PAM: variants seen among roughly 807,000 people sequenced by gnomAD.
The protein encoded by PAM is peptidylglycine alpha-amidating monooxygenase.
Under a neutral mutation model 122.1 loss-of-function variants are expected in PAM, and 72 were observed. The observed-to-expected ratio is 0.59, with a 90% CI of 0.49 to 0.72. The LOEUF (loss-of-function observed/expected upper bound fraction) is 0.72, where lower values mean the gene tolerates loss of function less well. Ranked by LOEUF, PAM falls within the 30% of genes least tolerant of loss-of-function variation. The probability of loss-of-function intolerance (pLI) is 0.00; values close to 1 mark genes in which losing one functional copy is unlikely to be tolerated. For synonymous variants in PAM, 389 were observed against 404.4 expected (o/e 0.96, Z 0.46); for missense variants, 1,106 against 1,183.7 (o/e 0.93, Z 0.96).
intron 4 of PAM, among the ~76,000 whole-genome samples, chr5:102,908,511 G>A (rs1192755374): frequency 6.7e-6 from 1 of 148,502 alleles, no homozygotes; most frequent in Non-Finnish European, 1.5e-5. Context: ...GGTGGGAATT[G>A]AACAATGAGA....
intron 1 of PAM, among the ~76,000 whole-genome samples, chr5:102,815,440 A>G (rs1769460653): frequency 6.6e-6 from 1 of 152,140 alleles, no homozygotes; most frequent in South Asian, 2.1e-4. Context: ...TTACACATTG[A>G]ACCTTCTGCA....
Position 102,815,601 on chromosome 5 carries a change from A to G in PAM, c.-373-50222A>G, listed in dbSNP as rs573728736. 2.6e-5 allele frequency among the ~76,000 whole-genome samples: 4 copies of G among 152,230 alleles called. No homozygotes were observed. In the East Asian group the frequency reaches 7.7e-4, roughly 29 times the overall value. Reference sequence around the variant, plus strand: ...TCTCCCTCTCTCTTGCTTAACTTTTAAAATGAAGTCCCTATTCAGAAAAAA... The same window carrying G: ...TCTCCCTCTCTCTTGCTTAACTTTTGAAATGAAGTCCCTATTCAGAAAAAA... On this transcript the variant is annotated intron_variant, in intron 1 of 25. Coordinates refer to ENST00000438793, the MANE Select transcript of PAM (RefSeq NM_001177306.2).
intron 22 of PAM, among the ~76,000 whole-genome samples, chr5:103,019,140 CG>C (rs113979430): frequency 0.29 from 43,982 of 151,648 alleles, 6,512 homozygotes; most frequent in East Asian, 0.44. Flanking sequence ...GATTTACCTA[CG>C]GGGGGGGACT....
At chr5:102,876,038 C>A (rs1339004459) in intron 3 of PAM, among the ~76,000 whole-genome samples, 1 of 152,140 alleles carries the variant, frequency 6.6e-6, no homozygotes, top group African/African-American at 2.4e-5. Flanking sequence ...TGATTATAAA[C>A]AAGAGTTCTC....
intron 1 of PAM, among the ~76,000 whole-genome samples, chr5:102,847,131 T>C (rs1393987347): frequency 2.0e-5 from 3 of 152,186 alleles, no homozygotes; most frequent in African/African-American, 4.8e-5. Flanking sequence ...CACTCATTTT[T>C]CCTTATCCTT....
chr5:102,964,272 TTAGAAATTAAC>T (rs1266680372), intron 14 of PAM, among the ~76,000 whole-genome samples: 3 of 151,968 alleles, frequency 2.0e-5, no homozygotes, highest in Non-Finnish European at 2.9e-5. Flanking sequence ...TTAATCTTGA[TTAGAAATTAAC>T]TAGAAATTAA....
At chr5:102,904,017 G>A (rs1040888617) in intron 4 of PAM, among the ~76,000 whole-genome samples, 1 of 151,514 alleles carries the variant, frequency 6.6e-6, no homozygotes, top group Non-Finnish European at 1.5e-5. Flanking sequence ...GAAGGAAAGG[G>A]GCTTGGATAG....
chr5:102,851,766 C>G (rs1012248470), intron 1 of PAM, among the ~76,000 whole-genome samples: 1 of 152,124 alleles, frequency 6.6e-6, no homozygotes, highest in Non-Finnish European at 1.5e-5. Context: ...AAGAGAAATA[C>G]GGCATGTTAG....
chr5:102,926,049 A>G (rs991862829), intron 6 of PAM, among the ~76,000 whole-genome samples: 2 of 152,168 alleles, frequency 1.3e-5, no homozygotes, highest in South Asian at 2.1e-4. Flanking sequence ...TAAAATAAAT[A>G]TGAATATATA....
intron 1 of PAM, among the ~76,000 whole-genome samples, chr5:102,833,408 A>G (rs149573105): frequency 6.6e-6 from 1 of 152,308 alleles, no homozygotes; most frequent in Admixed American, 6.5e-5. Flanking sequence ...TGTAGAAACA[A>G]TAAGGATATA....
intron 15 of PAM, among the ~76,000 whole-genome samples, chr5:102,985,455 T>C (rs1044535380): frequency 1.3e-5 from 2 of 152,048 alleles, no homozygotes; most frequent in Non-Finnish European, 2.9e-5. Context: ...TGTATTAGCA[T>C]ACAGTTTTCA....
At chr5:102,763,654 A>C (rs1270643429) in intron 1 of PAM, among the ~76,000 whole-genome samples, 1 of 152,228 alleles carries the variant, frequency 6.6e-6, no homozygotes, top group Admixed American at 6.5e-5. Flanking sequence ...GAGATAGGGT[A>C]GGAAGAAAAG....
At chr5:102,913,872 A>G (rs1802307418) in intron 4 of PAM, 62 bp from the exon 5 acceptor site, 2 of 905,544 alleles carry the variant, frequency 2.2e-6, no homozygotes, top group South Asian at 1.3e-5. Flanking sequence ...GATGTATTTT[A>G]TGACTTTGGT....
At chr5:102,994,973 C>T (rs1775235112) in intron 16 of PAM, among the ~76,000 whole-genome samples, 1 of 151,970 alleles carries the variant, frequency 6.6e-6, no homozygotes. Context: ...CTTCCCTCCT[C>T]CCCCCAGATA....
intron 3 of PAM, among the ~76,000 whole-genome samples, chr5:102,884,273 A>C (rs1320260880): frequency 6.6e-6 from 1 of 151,856 alleles, no homozygotes; most frequent in African/African-American, 2.4e-5. Context: ...AATATCACCA[A>C]CAAAAAGGAT....
At chr5:102,801,858 A>C (rs1003873021) in intron 1 of PAM, among the ~76,000 whole-genome samples, 6 of 139,834 alleles carry the variant, frequency 4.3e-5, no homozygotes, top group African/African-American at 1.4e-4. Flanking sequence ...GGCTCACTGC[A>C]AGCTCCGCCT....
intron 1 of PAM, among the ~76,000 whole-genome samples, chr5:102,807,417 G>C (rs924399777): frequency 6.6e-6 from 1 of 152,226 alleles, no homozygotes; most frequent in African/African-American, 2.4e-5. Flanking sequence ...TAAATTATGT[G>C]TAGTTTGGAG....
intron 1 of PAM, among the ~76,000 whole-genome samples, chr5:102,783,464 C>T (rs946708282): frequency 1.3e-5 from 2 of 152,096 alleles, no homozygotes; most frequent in South Asian, 2.1e-4. Flanking sequence ...TTTTTCAATA[C>T]CAACACCAGT....
chr5:103,007,788 C>G (rs1000570547), intron 20 of PAM, 131 bp downstream of exon 20: 11 of 624,156 alleles, frequency 1.8e-5, no homozygotes, highest in Non-Finnish European at 3.1e-5. Context: ...TATCTTACAA[C>G]TGTTAGTGTG....
Sources: gnomAD v4.1 joint callset for allele counts (sites outside exome capture counted in the v4.1 genomes callset) on GRCh38, gnomAD v4.1.1 for gene constraint, MANE v1.5 for transcripts, NCBI Gene and HGNC (gene_info 2026-07-23, HGNC 2026-07-21) for gene names.